Variants in PTPRK observed in about 807,000 individuals in gnomAD.
PTPRK encodes the protein protein tyrosine phosphatase receptor type K, also known as receptor-type tyrosine-protein phosphatase kappa.
Under a neutral mutation model 178.0 loss-of-function variants are expected in PTPRK, and 75 were observed. That is an observed-to-expected ratio of 0.42 (90% CI 0.35 to 0.51). The LOEUF (loss-of-function observed/expected upper bound fraction) is 0.51. Among genes scored for constraint, PTPRK ranks in the 20% least tolerant of loss-of-function variants. The probability of loss-of-function intolerance (pLI) is 0.02; values close to 1 mark genes in which losing one functional copy is unlikely to be tolerated. For synonymous variants in PTPRK, 637 were observed against 620.6 expected, an observed-to-expected ratio of 1.03 and a Z score of -0.39; for missense variants, 1,441 against 1,797.8, an observed-to-expected ratio of 0.80 and a Z score of 3.59.
intron 7 of PTPRK, among the ~76,000 whole-genome samples, chr6:128,177,088 AC>A (rs1801185477): frequency 6.6e-6 from 1 of 151,752 alleles, no homozygotes; most frequent in South Asian, 2.1e-4. Flanking sequence ...GCAAGTCTAT[AC>A]CTCATAGTGA....
chr6:128,033,196 TA>T (rs1441914496), intron 13 of PTPRK, among the ~76,000 whole-genome samples: 1 of 152,204 alleles, frequency 6.6e-6, no homozygotes, highest in African/African-American at 2.4e-5. Context: ...TTTTGGAATA[TA>T]AGGGTAGCAC....
chr6:128,209,854 G>A (rs903658472), intron 6 of PTPRK, among the ~76,000 whole-genome samples: 3 of 152,086 alleles, frequency 2.0e-5, no homozygotes, highest in Non-Finnish European at 4.4e-5. Flanking sequence ...AGTTTAGTGA[G>A]CAAAGGAGAG....
chr6:128,033,221 C>A (rs1285207736), intron 13 of PTPRK, among the ~76,000 whole-genome samples: 1 of 152,154 alleles, frequency 6.6e-6, no homozygotes, highest in Non-Finnish European at 1.5e-5. Flanking sequence ...GGGCCTGGCA[C>A]AAACGACAGA....
Position 127,983,233 on chromosome 6 carries a change from T to C in PTPRK, c.3387+9A>G, listed in dbSNP as rs752627880. 1.1e-5 allele frequency: 18 copies of C among 1,584,732 alleles called. No homozygotes were observed. Among genetic ancestry groups the C allele is most frequent in the Non-Finnish European group, 1.3e-5 (15 of 1,169,354 alleles). On this transcript the variant is annotated intron_variant, in intron 23 of 29. Coordinates refer to ENST00000368226, the MANE Select transcript of PTPRK (RefSeq NM_002844.4). Reference sequence around the variant, plus strand: ...TAAAAAAAAGTCCACTACAGGTAAATCTACATACCTCTGTCTGGACCATAT... The same window carrying C: ...TAAAAAAAAGTCCACTACAGGTAAACCTACATACCTCTGTCTGGACCATAT...
At chr6:128,298,795 T>A (rs1824983183) in intron 3 of PTPRK, among the ~76,000 whole-genome samples, 1 of 152,122 alleles carries the variant, frequency 6.6e-6, no homozygotes, top group African/African-American at 2.4e-5. Flanking sequence ...AAGCATTTCC[T>A]TTGAAAACTG....
chr6:128,217,210 T>C (rs969128427), intron 6 of PTPRK, among the ~76,000 whole-genome samples: 37 of 152,366 alleles, frequency 2.4e-4, no homozygotes, highest in Middle Eastern at 3.4e-3. Flanking sequence ...ATTGTTTCTC[T>C]GCCTAAATAC....
At chr6:128,030,024 G>A (rs531173683) in intron 13 of PTPRK, among the ~76,000 whole-genome samples, 1 of 152,260 alleles carries the variant, frequency 6.6e-6, no homozygotes, top group East Asian at 1.9e-4. Context: ...ACTTCAGCCT[G>A]ATGTCACGGG....
chr6:127,992,908 A>T (rs891101248), intron 18 of PTPRK, among the ~76,000 whole-genome samples, 199 bp from the exon 19 acceptor site: 7 of 151,724 alleles, frequency 4.6e-5, no homozygotes, highest in African/African-American at 1.4e-4. Flanking sequence ...AAATATTTTA[A>T]AGGCTCTGAT....
chr6:128,464,665 A>ATATATATATATG (rs1849616769), intron 1 of PTPRK, among the ~76,000 whole-genome samples: 5 of 119,914 alleles, frequency 4.2e-5, no homozygotes, highest in East Asian at 4.3e-4. Context: ...ATATATATAT[A>ATATATATATATG]TATATATATA....
At chr6:128,000,162 T>C (rs1249849995) in intron 15 of PTPRK, 1 of 974,794 alleles carries the variant, frequency 1.0e-6, no homozygotes, top group Non-Finnish European at 1.2e-6. Context: ...GAAAATACAC[T>C]CTTAGGGGAA....
chr6:128,471,604 T>TAAAAAAAAAAAAAAAAAAAAAAACA (rs34372021), intron 1 of PTPRK, among the ~76,000 whole-genome samples: 1 of 63,602 alleles, frequency 1.6e-5, no homozygotes, highest in African/African-American at 5.5e-5. Context: ...CAAAACAACC[T>TAAAAAAAAAAAAAAAAAAAAAAACA]AAAAAAAAAA....
chr6:128,256,971 C>A (rs1381936674), intron 3 of PTPRK, among the ~76,000 whole-genome samples: 1 of 151,776 alleles, frequency 6.6e-6, no homozygotes, highest in Non-Finnish European at 1.5e-5. Context: ...TGGCTCATGC[C>A]TGTAATCCCA....
intron 7 of PTPRK, among the ~76,000 whole-genome samples, chr6:128,105,165 G>A (rs1324602434): frequency 1.4e-5 from 2 of 139,280 alleles, no homozygotes; most frequent in Non-Finnish European, 3.1e-5. Context: ...ACGGAGTCTT[G>A]CTCTGTCGCC....
At chr6:128,489,587 A>T (rs898812931) in intron 1 of PTPRK, among the ~76,000 whole-genome samples, 1 of 152,232 alleles carries the variant, frequency 6.6e-6, no homozygotes, top group East Asian at 1.9e-4. Flanking sequence ...AAAATCAATA[A>T]AATCTAATTT....
chr6:128,169,539 A>G (rs1799901135), intron 7 of PTPRK, among the ~76,000 whole-genome samples: 1 of 151,958 alleles, frequency 6.6e-6, no homozygotes, highest in Non-Finnish European at 1.5e-5. Flanking sequence ...AGATGAGAAA[A>G]TTACCCATAC....
intron 7 of PTPRK, among the ~76,000 whole-genome samples, chr6:128,162,953 T>C (rs1191353192): frequency 6.6e-6 from 1 of 151,616 alleles, no homozygotes; most frequent in Non-Finnish European, 1.5e-5. Context: ...GTTTAATATG[T>C]TAATGTTTTA....
chr6:128,469,035 A>G (rs1474596076), intron 1 of PTPRK, among the ~76,000 whole-genome samples: 2 of 152,088 alleles, frequency 1.3e-5, no homozygotes, highest in East Asian at 3.8e-4. Flanking sequence ...GAAACGAAGT[A>G]TTTAGGTGAT....
At chr6:128,277,149 A>G (rs779452445) in intron 3 of PTPRK, among the ~76,000 whole-genome samples, 1 of 152,158 alleles carries the variant, frequency 6.6e-6, no homozygotes, top group South Asian at 2.1e-4. Context: ...TAACATGAAA[A>G]CAGCTGTCTA....
chr6:128,176,840 T>C (rs1801148831), intron 7 of PTPRK, among the ~76,000 whole-genome samples: 1 of 151,572 alleles, frequency 6.6e-6, no homozygotes, highest in South Asian at 2.1e-4. Context: ...ATGAGATTCA[T>C]CCATATATCA....
Sources: gnomAD v4.1 joint callset for allele counts (sites outside exome capture counted in the v4.1 genomes callset) on GRCh38, gnomAD v4.1.1 for gene constraint, MANE v1.5 for transcripts, NCBI Gene and HGNC (gene_info 2026-07-23, HGNC 2026-07-21) for gene names.